ZMIZ1: variants seen among roughly 807,000 people sequenced by gnomAD.
ZMIZ1 encodes the protein zinc finger MIZ-type containing 1, also known as zinc finger MIZ domain-containing protein 1.
In ZMIZ1, 17 loss-of-function variants were observed where a neutral mutation model predicts 113.9. The ratio of observed to expected loss-of-function variants is 0.15; its 90% CI spans 0.10 to 0.22. The LOEUF (loss-of-function observed/expected upper bound fraction) is 0.22, where lower values mean the gene tolerates loss of function less well. Among genes scored for constraint, ZMIZ1 ranks in the 10% least tolerant of loss-of-function variants. The pLI, the probability that ZMIZ1 is intolerant of heterozygous loss-of-function variation, is 1.00. For missense variants in ZMIZ1, 1,059 were observed against 1,477.8 expected, an observed-to-expected ratio of 0.72 and a Z score of 4.65; for synonymous variants, 607 against 603.1, an observed-to-expected ratio of 1.01 and a Z score of -0.09.
chr10:79,241,663 T>C (rs1265755893), intron 7 of ZMIZ1, among the ~76,000 whole-genome samples: 2 of 152,182 alleles, frequency 1.3e-5, no homozygotes, highest in Non-Finnish European at 2.9e-5. Flanking sequence ...GAAAGCGATA[T>C]TTCAAGTGGC....
intron 7 of ZMIZ1, among the ~76,000 whole-genome samples, chr10:79,218,263 C>T (rs1448757698): frequency 1.3e-5 from 2 of 152,110 alleles, no homozygotes; most frequent in Non-Finnish European, 2.9e-5. Flanking sequence ...CACTTGAGTT[C>T]AGTAGTTCGA....
intron 7 of ZMIZ1, among the ~76,000 whole-genome samples, chr10:79,257,918 C>A (rs528925968): frequency 9.8e-5 from 15 of 152,302 alleles, no homozygotes; most frequent in African/African-American, 3.6e-4. Context: ...GGGAAGGGAC[C>A]TCGCTTTTGT....
intron 2 of ZMIZ1, among the ~76,000 whole-genome samples, chr10:79,122,101 C>T (rs1464872029): frequency 6.6e-6 from 1 of 152,080 alleles, no homozygotes; most frequent in Admixed American, 6.6e-5. Context: ...GCCAACCCTG[C>T]TTGAGTAAGT....
chr10:79,299,272 C>T, intron 16 of ZMIZ1, 81 bp downstream of exon 16: 2 of 1,524,200 alleles, frequency 1.3e-6, no homozygotes, highest in Non-Finnish European at 1.8e-6. Flanking sequence ...CGAGTGGGGC[C>T]CTGGGCAGGG....
At chr10:79,300,018 C>T (rs115410990) in intron 16 of ZMIZ1, among the ~76,000 whole-genome samples, 47 of 151,854 alleles carry the variant, frequency 3.1e-4, no homozygotes, top group African/African-American at 1.1e-3. Flanking sequence ...GCACACACAC[C>T]CCTGCTGTTT....
intron 7 of ZMIZ1, among the ~76,000 whole-genome samples, chr10:79,239,949 C>T (rs1849745445): frequency 7.2e-6 from 1 of 139,374 alleles, no homozygotes; most frequent in South Asian, 2.3e-4. Flanking sequence ...GCATGGCAGG[C>T]TCCTCCAGCT....
intron 1 of ZMIZ1, among the ~76,000 whole-genome samples, chr10:79,076,474 G>A (rs959136068): frequency 6.6e-6 from 1 of 152,206 alleles, no homozygotes; most frequent in African/African-American, 2.4e-5. Context: ...GAACACTCCT[G>A]GTCTGGCATT....
chr10:79,168,187 A>G (rs1485933156), intron 4 of ZMIZ1, among the ~76,000 whole-genome samples: 1 of 152,232 alleles, frequency 6.6e-6, no homozygotes, highest in Non-Finnish European at 1.5e-5. Context: ...CTGCTCAGGC[A>G]GTGTGGCAGG....
At chr10:79,147,159 G>C (rs1017542778) in intron 3 of ZMIZ1, among the ~76,000 whole-genome samples, 1 of 152,154 alleles carries the variant, frequency 6.6e-6, no homozygotes, top group Non-Finnish European at 1.5e-5. Context: ...CCCCGAGCTG[G>C]GTCCTAGAGC....
chr10:79,224,322 C>T (rs914939091), intron 7 of ZMIZ1, among the ~76,000 whole-genome samples: 2 of 152,148 alleles, frequency 1.3e-5, no homozygotes, highest in East Asian at 3.9e-4. Flanking sequence ...GAAGCAGCAG[C>T]AGTCATGGGT....
chr10:79,167,915 G>A (rs776977400), intron 4 of ZMIZ1, among the ~76,000 whole-genome samples: 1 of 152,214 alleles, frequency 6.6e-6, no homozygotes, highest in Admixed American at 6.5e-5. Flanking sequence ...CAGGTCTCCA[G>A]CGAGTGGAGG....
At chr10:79,158,239 G>A (rs1432876911) in intron 3 of ZMIZ1, among the ~76,000 whole-genome samples, 2 of 152,194 alleles carry the variant, frequency 1.3e-5, no homozygotes, top group African/African-American at 2.4e-5. Context: ...AGCATGAAGA[G>A]CTGAGGCCTG....
rs568962715 is a variant in ZMIZ1 at position 79,259,824 on chromosome 10, C to T, written c.281-17357C>T. On this transcript the variant is annotated intron_variant, in intron 7 of 24. Coordinates refer to ENST00000334512, the MANE Select transcript of ZMIZ1 (RefSeq NM_020338.4). ...ACAGGGTTTCACCATGTTGGCCAAG[C>T]TGGTCTCAAAGTCCTGACCTCAAGT... is the stretch of plus-strand genomic sequence containing the variant. Among the ~76,000 whole-genome samples, 7 of 152,290 alleles carry T rather than the reference C, an allele frequency of 4.6e-5. No individual in the cohort carries two copies. In the South Asian group the frequency reaches 1.5e-3, roughly 32 times the overall value.
intron 7 of ZMIZ1, among the ~76,000 whole-genome samples, chr10:79,237,778 C>T (rs1849651665): frequency 6.6e-6 from 1 of 152,192 alleles, no homozygotes; most frequent in African/African-American, 2.4e-5. Flanking sequence ...TTTGTGGGGA[C>T]ACAGTTCACT....
Position 79,216,319 on chromosome 10 carries a change from AG to A in ZMIZ1, c.280+49del, listed in dbSNP as rs1848727787. 2.6e-6 allele frequency: 4 copies of A among 1,527,716 alleles called. No homozygotes were observed. The South Asian group carries it at 4.8e-5, about 18-fold the overall frequency. The allele number at this position is 1,527,716 out of a possible 1,614,324, so 94.6% of individuals were successfully genotyped here. ...TCTGCGATGTCACTGGGAGGTGGGGAGGGGAACTGACTATAAACCATGCCTG... is the reference window on the plus strand; with the variant it reads ...TCTGCGATGTCACTGGGAGGTGGGGAGGGAACTGACTATAAACCATGCCTG... On this transcript the variant is annotated intron_variant, in intron 7 of 24. Coordinates refer to ENST00000334512, the MANE Select transcript of ZMIZ1 (RefSeq NM_020338.4).
At chr10:79,282,534 A>G (rs1852805617) in intron 8 of ZMIZ1, among the ~76,000 whole-genome samples, 4 of 152,204 alleles carry the variant, frequency 2.6e-5, no homozygotes, top group Admixed American at 2.6e-4. Flanking sequence ...CTCGGGTGTC[A>G]CAATCATGTC....
At chr10:79,293,759 C>T in intron 12 of ZMIZ1, 106 bp downstream of exon 12, 1 of 1,544,766 alleles carries the variant, frequency 6.5e-7, no homozygotes, top group Non-Finnish European at 8.9e-7. Flanking sequence ...GACTCCAGCA[C>T]ACTTGGACAA....
chr10:79,293,577 T>C lies in ZMIZ1; in HGVS notation c.1154T>C (p.Met385Thr). The change falls in exon 12 of 25, where the codon ATG (methionine) becomes ACG (threonine). Residue 385 changes from methionine to threonine, a missense_variant. This residue lies in a region of ZMIZ1 where 239 missense variants were observed against 247.5 expected (regional missense o/e 0.97). Transcript: ENST00000334512. ...CCCTTTGGCACACACGGGCAGCGGA[T>C]GCCCCAGCAGACCTACCCGGGCCCC... is the stretch of plus-strand genomic sequence containing the variant. The part of the protein sequence containing the change: ...ISPFGTHGQR[M>T]PQQTYPGPRP... The C allele has an allele frequency of 6.2e-7, 1 of 1,613,048 alleles. No individual in the cohort carries two copies. Among genetic ancestry groups the C allele is most frequent in the Non-Finnish European group, 8.5e-7 (1 of 1,179,988 alleles).
chr10:79,259,476 T>G (rs1429381751), intron 7 of ZMIZ1, among the ~76,000 whole-genome samples: 1 of 152,192 alleles, frequency 6.6e-6, no homozygotes, highest in African/African-American at 2.4e-5. Flanking sequence ...CACCCTGTGC[T>G]TCTCACTCCA....
Sources: allele counts gnomAD v4.1 joint callset (sites outside exome capture counted in the v4.1 genomes callset), GRCh38; gene constraint gnomAD v4.1.1; regional missense constraint gnomAD v4.1.1; transcripts MANE v1.5; gene names NCBI Gene and HGNC (gene_info 2026-07-23, HGNC 2026-07-21).